CTNNA3: variants seen among roughly 807,000 people sequenced by gnomAD.
CTNNA3 encodes the protein catenin alpha 3.
Under a neutral mutation model 95.7 loss-of-function variants are expected in CTNNA3, and 76 were observed. That is an observed-to-expected ratio of 0.79 (90% CI 0.66 to 0.96). The LOEUF (loss-of-function observed/expected upper bound fraction) is 0.96, where lower values mean the gene tolerates loss of function less well. Among genes scored for constraint, CTNNA3 ranks in the 40% least tolerant of loss-of-function variants. The pLI is 0.00. For synonymous variants in CTNNA3, 431 were observed against 374.4 expected, an observed-to-expected ratio of 1.15 and a Z score of -1.74; for missense variants, 1,191 against 1,089.8, an observed-to-expected ratio of 1.09 and a Z score of -1.31.
chr10:66,083,270 T>C (rs2080838860), intron 14 of CTNNA3, among the ~76,000 whole-genome samples: 1 of 152,204 alleles, frequency 6.6e-6, no homozygotes, highest in South Asian at 2.1e-4. Context: ...TTAAATAACA[T>C]GCAACTTGTA....
chr10:67,108,346 T>G (rs939169817), intron 7 of CTNNA3, among the ~76,000 whole-genome samples: 7 of 152,176 alleles, frequency 4.6e-5, no homozygotes, highest in African/African-American at 9.6e-5. Flanking sequence ...TCTGGACAAT[T>G]AAGTTACAGT....
At chr10:66,605,851 A>G (rs1370612053) in intron 10 of CTNNA3, among the ~76,000 whole-genome samples, 2 of 152,166 alleles carry the variant, frequency 1.3e-5, no homozygotes, top group Non-Finnish European at 2.9e-5. Flanking sequence ...ACAAAAACAC[A>G]CTTTTAAATA....
At chr10:66,390,643 A>G (rs1051867316) in intron 11 of CTNNA3, among the ~76,000 whole-genome samples, 2 of 152,134 alleles carry the variant, frequency 1.3e-5, no homozygotes, top group African/African-American at 4.8e-5. Flanking sequence ...TAAAAACAAG[A>G]ATACAGTAAT....
At chr10:67,692,900 C>G (rs1211116417) in intron 1 of CTNNA3, among the ~76,000 whole-genome samples, 1 of 152,180 alleles carries the variant, frequency 6.6e-6, no homozygotes, top group Non-Finnish European at 1.5e-5. Context: ...CTCCATTGTT[C>G]AAGTTCCAGT....
At chr10:67,308,001 G>A (rs1037578090) in intron 5 of CTNNA3, among the ~76,000 whole-genome samples, 2 of 152,156 alleles carry the variant, frequency 1.3e-5, no homozygotes. Context: ...AACATTATCT[G>A]GTCCCCATTC....
chr10:66,958,572 G>T (rs938873846), intron 7 of CTNNA3, among the ~76,000 whole-genome samples: 1 of 152,034 alleles, frequency 6.6e-6, no homozygotes, highest in Non-Finnish European at 1.5e-5. Context: ...AATTCAATAA[G>T]TAAGTAAGCG....
At chr10:66,326,791 TG>T (rs757892628) in intron 12 of CTNNA3, among the ~76,000 whole-genome samples, 1 of 152,044 alleles carries the variant, frequency 6.6e-6, no homozygotes, top group Non-Finnish European at 1.5e-5. Flanking sequence ...TCTTCCTCTT[TG>T]GGGGGTAACA....
chr10:66,616,363 G>T (rs939858528), intron 10 of CTNNA3, among the ~76,000 whole-genome samples: 6 of 152,050 alleles, frequency 3.9e-5, no homozygotes. Context: ...GATAAAATTT[G>T]CATTCTTCTA....
At chr10:66,699,991 G>T (rs1045686857) in intron 9 of CTNNA3, among the ~76,000 whole-genome samples, 1 of 150,606 alleles carries the variant, frequency 6.6e-6, no homozygotes, top group Non-Finnish European at 1.5e-5. Flanking sequence ...AAGTTACTTG[G>T]TTTTTTTTTG....
intron 6 of CTNNA3, among the ~76,000 whole-genome samples, chr10:67,189,244 A>G (rs1480170245): frequency 6.6e-6 from 1 of 152,158 alleles, no homozygotes; most frequent in Non-Finnish European, 1.5e-5. Flanking sequence ...CAAATACCAC[A>G]TGATCTCACT....
rs1376691171 is a variant in CTNNA3, at chr10:66,819,099, A to T, written c.1048-43575T>A. Among the ~76,000 whole-genome samples the T allele has an allele frequency of 4.6e-5, 7 of 151,620 alleles. 1 individual carries two copies. The highest frequency in any genetic ancestry group is 4.4e-5 in the Non-Finnish European group (3 of 67,794). Reference sequence around the variant, plus strand: ...AGAGGGAAACTCTTGTCTTAAAAAAAAAAAAAAAAAAAAAAAGGTTGGAGT... The same window carrying T: ...AGAGGGAAACTCTTGTCTTAAAAAATAAAAAAAAAAAAAAAAGGTTGGAGT... On this transcript the variant is annotated intron_variant, in intron 7 of 17. Coordinates refer to ENST00000433211, the MANE Select transcript of CTNNA3 (RefSeq NM_013266.4).
rs201986002 is a variant in CTNNA3 at position 67,607,056 on chromosome 10, T to C, written c.100-7A>G. On this transcript the variant is annotated splice_polypyrimidine_tract_variant and splice_region_variant and intron_variant, in intron 2 of 17. Transcript: ENST00000433211. ...AGTTTACAAGTGTGGTAACCTAAAA[T>C]TGGAAAAATACAAAGTACTAAATTG... The C allele has an allele frequency of 1.9e-6, 3 of 1,603,270 alleles. No homozygotes were observed. Among genetic ancestry groups the C allele is most frequent in the East Asian group, 2.2e-5 (1 of 44,778 alleles).
chr10:66,002,016 A>C (rs2078780397), intron 15 of CTNNA3, among the ~76,000 whole-genome samples: 1 of 152,182 alleles, frequency 6.6e-6, no homozygotes, highest in African/African-American at 2.4e-5. Context: ...TCTTAGTGAC[A>C]GATATTTGTG....
chr10:67,754,025 T>C (rs914815601), intron 1 of CTNNA3, among the ~76,000 whole-genome samples: 1 of 152,244 alleles, frequency 6.6e-6, no homozygotes, highest in Non-Finnish European at 1.5e-5. Context: ...ATATGTTTAT[T>C]GCAGCACTAT....
chr10:66,541,329 T>G (rs1344332963), intron 10 of CTNNA3, among the ~76,000 whole-genome samples: 1 of 152,176 alleles, frequency 6.6e-6, no homozygotes, highest in African/African-American at 2.4e-5. Context: ...ATCTCCCTGG[T>G]GTTTTCATTC....
chr10:66,964,055 T>C (rs541690271), intron 7 of CTNNA3, among the ~76,000 whole-genome samples: 1 of 152,054 alleles, frequency 6.6e-6, no homozygotes, highest in East Asian at 1.9e-4. Flanking sequence ...TTTCACCATG[T>C]TGGCCAGGAT....
At chr10:66,932,378 T>C (rs1847452715) in intron 7 of CTNNA3, among the ~76,000 whole-genome samples, 1 of 152,146 alleles carries the variant, frequency 6.6e-6, no homozygotes, top group South Asian at 2.1e-4. Context: ...AAGCATCAGG[T>C]CATGAAGCCT....
intron 10 of CTNNA3, among the ~76,000 whole-genome samples, chr10:66,598,585 G>A (rs1463701021): frequency 6.6e-6 from 1 of 151,852 alleles, no homozygotes; most frequent in Admixed American, 6.6e-5. Flanking sequence ...AACATATGAA[G>A]AATCAGTTGA....
chr10:66,782,166 C>A (rs1415334531), intron 7 of CTNNA3, among the ~76,000 whole-genome samples: 1 of 152,008 alleles, frequency 6.6e-6, no homozygotes. Flanking sequence ...AGTTTCTTTG[C>A]CCATAAAGTG....
Sources: allele counts gnomAD v4.1 joint callset (sites outside exome capture counted in the v4.1 genomes callset), GRCh38; gene constraint gnomAD v4.1.1; transcripts MANE v1.5; gene names NCBI Gene and HGNC (gene_info 2026-07-23, HGNC 2026-07-21).